The following STXBP2 variants were observed in gnomAD, a reference collection of about 807,000 sequenced individuals.
STXBP2 encodes syntaxin binding protein 2.
STXBP2 carries 47 observed loss-of-function variants against 72.2 expected under a neutral mutation model. The ratio of observed to expected loss-of-function variants is 0.65; its 90% CI spans 0.51 to 0.83. The LOEUF (loss-of-function observed/expected upper bound fraction) is 0.83, where lower values mean the gene tolerates loss of function less well. STXBP2 is among the 40% of genes least tolerant of loss of function. STXBP2 has a pLI of 0.00. For missense variants in STXBP2, 702 were observed against 807.6 expected (o/e 0.87, Z 1.58); for synonymous variants, 367 against 338.7 (o/e 1.08, Z -0.92).
rs746792689 is a variant in STXBP2 at position 7,642,866 on chromosome 19, G to GC, written c.960+49dup. 38 of 1,613,750 alleles carry GC rather than the reference G, an allele frequency of 2.4e-5. No individual in the cohort carries two copies. The highest frequency in any genetic ancestry group is 1.6e-4 in the South Asian group (15 of 91,080). ...TCACCAAAGGCGCTGGTGGAAGGAA[G>GC]CCCCCCTCCCCATGGGCGCAGGGCC... On this transcript the variant is annotated intron_variant, in intron 11 of 18. Coordinates refer to ENST00000221283, the MANE Select transcript of STXBP2 (RefSeq NM_006949.4). The surrounding 1 kb of genome is among the most constrained non-coding windows in gnomAD (Gnocchi z 6.0).
chr19:7,640,386 G>C (rs1051755426), intron 4 of STXBP2: 2 of 571,028 alleles, frequency 3.5e-6, no homozygotes, highest in Non-Finnish European at 6.3e-6. Context: ...GCGCATCAGT[G>C]TCTGCATGTG....
At position 7,643,228 on chromosome 19, in the gene STXBP2, C is replaced by CCCT; in HGVS notation, c.1090_1091insCCT (p.Lys363_Leu364insPro). On this transcript the variant is annotated inframe_insertion, in exon 13 of 19. Transcript: ENST00000221283. ...GCACTTCAAGGGCTCGGTGGAGAAG[C>CCCT]TGTGTAGTGTGGAGCAGGTGGGGCA... The CCCT allele has an allele frequency of 6.2e-7, 1 of 1,613,728 alleles. No homozygotes were observed. Among genetic ancestry groups the CCCT allele is most frequent in the Non-Finnish European group, 8.5e-7 (1 of 1,179,982 alleles).
intron 15 of STXBP2, chr19:7,645,910 G>C: frequency 2.3e-6 from 1 of 428,152 alleles, no homozygotes; most frequent in Non-Finnish European, 4.2e-6. Flanking sequence ...TCCCCCTTCT[G>C]TCCCCATCTT....
chr19:7,639,891 C>T (rs570420338), intron 4 of STXBP2, 84 bp downstream of exon 4: 9 of 1,393,680 alleles, frequency 6.5e-6, no homozygotes, highest in South Asian at 1.2e-5. Flanking sequence ...CATGTGATTG[C>T]ATGTGTGCAT....
chr19:7,637,095 C>T (rs1163454212), upstream of STXBP2: 19 of 1,234,470 alleles, frequency 1.5e-5, no homozygotes, highest in Non-Finnish European at 1.9e-5. Context: ...ACGCGCGGGG[C>T]CACGCCCCCA....
chr19:7,645,408 C>T, intron 15 of STXBP2, 102 bp downstream of exon 15: 3 of 1,198,058 alleles, frequency 2.5e-6, no homozygotes, highest in Non-Finnish European at 2.4e-6. Context: ...CGGTGTGGTT[C>T]CTGGCGTGGT....
chr19:7,640,625 G>A (rs763825196), intron 4 of STXBP2, 106 bp from the exon 5 acceptor site: 30 of 1,441,506 alleles, frequency 2.1e-5, no homozygotes, highest in South Asian at 8.1e-5. Context: ...GTCCCCGTCC[G>A]TCCATGTTTG....
At chr19:7,631,409 T>TGGGGGGGGGGGGGGGGG in the STXBP2 span, 4 of 639,598 alleles carry the variant, frequency 6.3e-6, no homozygotes, top group African/African-American at 5.3e-5. Flanking sequence ...CGGGGGGGGG[T>TGGGGGGGGGGGGGGGGG]GGTCCCGGCT....
chr19:7,646,847 C>T, intron 16 of STXBP2: 1 of 504,624 alleles, frequency 2.0e-6, no homozygotes, highest in Non-Finnish European at 3.6e-6. Flanking sequence ...CCCCAAAGGG[C>T]TGGGGGTATT....
Position 7,647,418 on chromosome 19 carries a change from A to G in STXBP2, c.1603A>G (p.Ile535Val), listed in dbSNP as rs370240434. ...AGAAGCCCGGGCGGGCCCCCGGCTC[A>G]TCGTGTATGTCATGGGCGGTGTGGC... ...GIEARAGPRLIVYVMGGVAMS... is the reference protein window; with the variant it reads ...GIEARAGPRLVVYVMGGVAMS... The change falls in exon 18 of 19, where the codon ATC becomes GTC. Residue 535 changes from isoleucine (I) to valine (V), a missense_variant. Ile to Val is a conservative substitution (Grantham distance 29). Coordinates refer to ENST00000221283, the MANE Select transcript of STXBP2 (RefSeq NM_006949.4). 1.2e-6 allele frequency: 2 copies of G among 1,613,456 alleles called. No individual in the cohort carries two copies. Among genetic ancestry groups the G allele is most frequent in the African/African-American group, 1.3e-5 (1 of 74,894 alleles).
At chr19:7,647,013 C>A in intron 16 of STXBP2, 149 bp from the exon 17 acceptor site, 1 of 734,776 alleles carries the variant, frequency 1.4e-6, no homozygotes, top group Non-Finnish European at 2.3e-6. Context: ...GGACTAGAGG[C>A]CTAGACTCCT....
chr19:7,645,943 T>G, intron 15 of STXBP2: 1 of 493,356 alleles, frequency 2.0e-6, no homozygotes. Flanking sequence ...TCCTGCTTCA[T>G]CTCTTGTCTC....
At chr19:7,631,731 G>T in the STXBP2 span, 1 of 1,448,070 alleles carries the variant, frequency 6.9e-7, no homozygotes. Context: ...TGTTCCGACG[G>T]AAGCCGAGAG....
chr19:7,642,326 A>G lies in STXBP2; in HGVS notation c.787A>G (p.Thr263Ala). The change falls in exon 9 of 19, where the codon ACA (threonine) becomes GCA (alanine). Residue 263 changes from threonine (T) to alanine (A), a missense_variant. Coordinates refer to ENST00000221283, the MANE Select transcript of STXBP2 (RefSeq NM_006949.4). The surrounding 1 kb of genome is among the most constrained non-coding windows in gnomAD (Gnocchi z 6.0). ...AYDLLDIEQD[T>A]YRYETTGLSE... The stretch of plus-strand genomic sequence containing the variant: ...TGATCTGCTGGACATAGAGCAGGAC[A>G]CATACAGGTCTGCAGACTTGGAACC... The G allele has an allele frequency of 6.2e-7, 1 of 1,613,936 alleles. No individual in the cohort carries two copies. The highest frequency in any genetic ancestry group is 8.5e-7 in the Non-Finnish European group (1 of 1,179,836).
Position 7,645,311 on chromosome 19 carries a change from G to A in STXBP2, c.1356+5G>A, listed in dbSNP as rs748635794. The A allele has an allele frequency of 2.0e-5, 31 of 1,575,442 alleles. No individual in the cohort carries two copies. Among genetic ancestry groups the A allele is most frequent in the Middle Eastern group, 3.5e-4 (2 of 5,772 alleles). ...GGCACTGTCACCAACCCCGGGGTAC[G>A]CCAGGAGCGGGCATGGGGGGACCCT... is the stretch of plus-strand genomic sequence containing the variant. On this transcript the variant is annotated splice_donor_5th_base_variant and intron_variant, in intron 15 of 18. Coordinates refer to ENST00000221283, the MANE Select transcript of STXBP2 (RefSeq NM_006949.4).
the STXBP2 span, chr19:7,631,399 C>CGGGGGGGGGGGTTGGGGGGGGG: frequency 1.7e-6 from 1 of 583,164 alleles, no homozygotes; most frequent in Non-Finnish European, 2.4e-6. Flanking sequence ...GAGAGGTGGG[C>CGGGGGGGGGGGTTGGGGGGGGG]GGGGGGGGGT....
At chr19:7,644,085 G>A (rs1458835938) in intron 13 of STXBP2, among the ~76,000 whole-genome samples, 1,074 of 111,924 alleles carry the variant, frequency 9.6e-3, no homozygotes, top group East Asian at 0.016. Context: ...GTGGAGCCTT[G>A]GAGAGCTGGG....
In STXBP2 at chr19:7,642,592, C is replaced by T. The variant is rs1220897268; in HGVS notation, c.902+56C>T. 2.8e-5 allele frequency: 44 copies of T among 1,595,166 alleles called. No homozygotes were observed. The Admixed American group carries it at 3.7e-4, about 13-fold the overall frequency. Reference sequence around the variant, plus strand: ...CCACCGCCCACTGTGGGCCTGGTAGCGGCCTTGGGATCCCTGGCTGCTGCC... The same window carrying T: ...CCACCGCCCACTGTGGGCCTGGTAGTGGCCTTGGGATCCCTGGCTGCTGCC... On this transcript the variant is annotated intron_variant, in intron 10 of 18. Coordinates refer to ENST00000221283, the MANE Select transcript of STXBP2 (RefSeq NM_006949.4). This position sits in a 1 kb window ranked among gnomAD's most constrained non-coding sequence, Gnocchi z 6.0.
upstream of STXBP2, chr19:7,633,661 G>T: frequency 1.6e-6 from 1 of 607,156 alleles, no homozygotes. Flanking sequence ...GATCTGGCAT[G>T]GTGGGTAGGG....
Sources: gnomAD v4.1 joint callset for allele counts (sites outside exome capture counted in the v4.1 genomes callset) on GRCh38, gnomAD v4.1.1 for gene constraint, Gnocchi (gnomAD v3.1) non-coding constraint, MANE v1.5 for transcripts, NCBI Gene and HGNC (gene_info 2026-07-23, HGNC 2026-07-21) for gene names.